CLINT1: variants seen among roughly 807,000 people sequenced by gnomAD.
The protein encoded by CLINT1 is clathrin interactor 1.
In CLINT1, 15 loss-of-function variants were observed where a neutral mutation model predicts 70.4. The ratio of observed to expected loss-of-function variants is 0.21; its 90% CI spans 0.14 to 0.33. CLINT1 has a LOEUF of 0.33. CLINT1 is among the 10% of genes least tolerant of loss of function. The pLI is 1.00. For missense variants in CLINT1, 615 were observed against 778.1 expected (o/e 0.79, Z 2.49); for synonymous variants, 227 against 254.7 (o/e 0.89, Z 1.04).
chr5:157,796,268 G>GTT (rs750908727), intron 8 of CLINT1: 2 of 152,122 alleles, frequency 1.3e-5, no homozygotes, highest in Non-Finnish European at 1.5e-5. Context: ...CTCTGTGTGC[G>GTT]TAACATTACA....
chr5:157,841,453 C>T (rs910623134), intron 1 of CLINT1, among the ~76,000 whole-genome samples: 2 of 151,824 alleles, frequency 1.3e-5, no homozygotes. Flanking sequence ...GTAGTCCCAG[C>T]CACTCGGGAG....
At chr5:157,835,296 T>C (rs1460753208) in intron 1 of CLINT1, among the ~76,000 whole-genome samples, 1 of 152,196 alleles carries the variant, frequency 6.6e-6, no homozygotes, top group Admixed American at 6.5e-5. Flanking sequence ...ATAGTGCTGT[T>C]GGCAGTGAGT....
At chr5:157,805,770 T>C in intron 7 of CLINT1, 96 bp downstream of exon 7, 1 of 1,421,124 alleles carries the variant, frequency 7.0e-7, no homozygotes, top group South Asian at 1.3e-5. Flanking sequence ...ATTAATATGA[T>C]TGCCTAGAAA....
intron 1 of CLINT1, among the ~76,000 whole-genome samples, chr5:157,822,353 T>C (rs1762903127): frequency 6.6e-6 from 1 of 152,128 alleles, no homozygotes; most frequent in Non-Finnish European, 1.5e-5. Flanking sequence ...CAAGATCTCA[T>C]GGTCTTATCA....
intron 9 of CLINT1, among the ~76,000 whole-genome samples, chr5:157,793,071 C>T (rs1376407364): frequency 2.0e-5 from 3 of 152,158 alleles, no homozygotes; most frequent in Non-Finnish European, 4.4e-5. Flanking sequence ...TTTAAAATTA[C>T]ATTCTTCTAT....
intron 1 of CLINT1, among the ~76,000 whole-genome samples, chr5:157,822,021 C>A (rs1184255523): frequency 5.3e-5 from 8 of 152,322 alleles, no homozygotes; most frequent in African/African-American, 1.9e-4. Flanking sequence ...CGAGAAGTTA[C>A]CATCCTCAAG....
intron 1 of CLINT1, among the ~76,000 whole-genome samples, chr5:157,842,168 A>C: frequency 6.6e-6 from 1 of 152,224 alleles, no homozygotes. Context: ...TTTATAGTTA[A>C]GTTACAGTAA....
chr5:157,828,501 A>G (rs1350633580), intron 1 of CLINT1, among the ~76,000 whole-genome samples: 1 of 152,166 alleles, frequency 6.6e-6, no homozygotes, highest in Non-Finnish European at 1.5e-5. Context: ...AAACACATGT[A>G]CATGTGAGCA....
At chr5:157,811,252 AC>A (rs1354659940) in intron 5 of CLINT1, among the ~76,000 whole-genome samples, 1 of 152,192 alleles carries the variant, frequency 6.6e-6, no homozygotes, top group African/African-American at 2.4e-5. Context: ...ATGAAAAAAC[AC>A]AAAACTGGCC....
At chr5:157,811,973 A>T (rs62389009) in intron 5 of CLINT1, among the ~76,000 whole-genome samples, 20,138 of 151,824 alleles carry the variant, frequency 0.13, 1,746 homozygotes, top group African/African-American at 0.25. Flanking sequence ...CCAATTCAAA[A>T]ACTAACTTGT....
intron 11 of CLINT1, among the ~76,000 whole-genome samples, 182 bp downstream of exon 11, chr5:157,789,181 T>C (rs2270811): frequency 0.08 from 12,150 of 152,184 alleles, 561 homozygotes; most frequent in East Asian, 0.18. Flanking sequence ...GAATATAAAG[T>C]AATTCAATGT....
chr5:157,795,119 T>A (rs1762028406), intron 8 of CLINT1, 147 bp from the exon 9 acceptor site: 2 of 645,940 alleles, frequency 3.1e-6, no homozygotes, highest in Admixed American at 2.7e-5. Context: ...TTGACCTAGA[T>A]TTTCATGTCA....
At chr5:157,800,411 T>G (rs944022936) in intron 8 of CLINT1, among the ~76,000 whole-genome samples, 24 of 152,280 alleles carry the variant, frequency 1.6e-4, no homozygotes, top group African/African-American at 5.3e-4. Context: ...ATAGCAATGT[T>G]AATATGGTAG....
chr5:157,828,042 T>C (rs954225894), intron 1 of CLINT1, among the ~76,000 whole-genome samples: 12 of 152,204 alleles, frequency 7.9e-5, no homozygotes, highest in Non-Finnish European at 1.2e-4. Context: ...TATGTATTAT[T>C]ATCATTATGG....
intron 8 of CLINT1, among the ~76,000 whole-genome samples, chr5:157,797,409 C>T (rs538140684): frequency 4.6e-5 from 7 of 152,050 alleles, no homozygotes; most frequent in South Asian, 2.1e-4. Flanking sequence ...GTTTTTGAGA[C>T]GGAGTTCCAC....
chr5:157,788,611 CTT>C (rs1218773577), intron 11 of CLINT1, among the ~76,000 whole-genome samples: 2 of 152,100 alleles, frequency 1.3e-5, no homozygotes, highest in Admixed American at 1.3e-4. Context: ...AAAATGATAA[CTT>C]AATGTTGAAT....
At chr5:157,850,344 A>G (rs1211161) in intron 1 of CLINT1, among the ~76,000 whole-genome samples, 90,987 of 151,980 alleles carry the variant, frequency 0.6, 27,754 homozygotes, top group African/African-American at 0.7. Context: ...CTGGCTGGGC[A>G]CAGTGGCTCA....
At chr5:157,852,111 GAAAT>G (rs1389929913) in intron 1 of CLINT1, among the ~76,000 whole-genome samples, 2 of 152,144 alleles carry the variant, frequency 1.3e-5, no homozygotes, top group African/African-American at 2.4e-5. Context: ...TTGCATTTAT[GAAAT>G]AAATCTTTTT....
chr5:157,851,740 T>C (rs1397641784), intron 1 of CLINT1, among the ~76,000 whole-genome samples: 1 of 152,002 alleles, frequency 6.6e-6, no homozygotes, highest in Non-Finnish European at 1.5e-5. Context: ...AACTAGACTC[T>C]TCTTAAATGA....
Sources: allele counts gnomAD v4.1 joint callset (sites outside exome capture counted in the v4.1 genomes callset), GRCh38; gene constraint gnomAD v4.1.1; transcripts MANE v1.5; gene names NCBI Gene and HGNC (gene_info 2026-07-23, HGNC 2026-07-21).